The following MTHFD1L variants were observed in gnomAD, a reference collection of about 807,000 sequenced individuals.
MTHFD1L encodes monofunctional C1-tetrahydrofolate synthase, mitochondrial.
MTHFD1L carries 81 observed loss-of-function variants against 119.5 expected under a neutral mutation model. The observed-to-expected ratio is 0.68, with a 90% CI of 0.57 to 0.82. The LOEUF is 0.82. MTHFD1L is among the 40% of genes least tolerant of loss of function. MTHFD1L has a pLI of 0.00. For missense variants in MTHFD1L, 1,125 were observed against 1,253.4 expected, an observed-to-expected ratio of 0.90 and a Z score of 1.55; for synonymous variants, 430 against 475.2, an observed-to-expected ratio of 0.90 and a Z score of 1.24.
At chr6:151,056,955 A>G (rs1046128763) in intron 26 of MTHFD1L, among the ~76,000 whole-genome samples, 3 of 152,000 alleles carry the variant, frequency 2.0e-5, no homozygotes, top group Admixed American at 2.0e-4. Flanking sequence ...GGGGTTCTTT[A>G]GTTTGTTTGT....
chr6:150,995,023 T>C (rs893025796), intron 20 of MTHFD1L, among the ~76,000 whole-genome samples: 14 of 152,214 alleles, frequency 9.2e-5, no homozygotes, highest in Admixed American at 2.6e-4. Flanking sequence ...CGTATTTTCC[T>C]GTATAATACA....
rs552862412 is a variant in MTHFD1L at position 151,016,833 on chromosome 6, C to T, written c.2586+1140C>T. The T allele has an allele frequency of 4.9e-3, 842 of 171,874 alleles. 7 individuals carry two copies. Among genetic ancestry groups the T allele is most frequent in the Middle Eastern group, 0.029 (7 of 240 alleles). 10.6% of individuals were successfully genotyped at this position (171,874 alleles called of 1,614,324 possible). On this transcript the variant is annotated intron_variant, in intron 24 of 27. Coordinates refer to ENST00000367321, the MANE Select transcript of MTHFD1L (RefSeq NM_015440.5). ...TGTTGCCCAGGCTGGAGTGCAATGGCGTGATCTCGGCTCACTGCAACCTCC... is the reference window on the plus strand; with the variant it reads ...TGTTGCCCAGGCTGGAGTGCAATGGTGTGATCTCGGCTCACTGCAACCTCC...
intron 8 of MTHFD1L, among the ~76,000 whole-genome samples, chr6:150,908,525 G>T (rs1164343572): frequency 6.6e-6 from 1 of 151,770 alleles, no homozygotes; most frequent in Admixed American, 6.6e-5. Flanking sequence ...TACTCGGGAA[G>T]CTGAGGCAGG....
At chr6:150,874,467 C>T (rs1780063338) in intron 1 of MTHFD1L, among the ~76,000 whole-genome samples, 1 of 152,210 alleles carries the variant, frequency 6.6e-6, no homozygotes, top group African/African-American at 2.4e-5. Context: ...GGGAAAGCTT[C>T]CCGATGCCTT....
chr6:151,034,010 T>C (rs1323347062), intron 24 of MTHFD1L, among the ~76,000 whole-genome samples: 1 of 151,876 alleles, frequency 6.6e-6, no homozygotes, highest in Non-Finnish European at 1.5e-5. Context: ...ACCCAGTCTC[T>C]ACAAAAAATG....
At chr6:151,089,528 G>A (rs1417477251) in intron 26 of MTHFD1L, among the ~76,000 whole-genome samples, 2 of 152,178 alleles carry the variant, frequency 1.3e-5, no homozygotes, top group Admixed American at 6.5e-5. Context: ...GCTTGAACCC[G>A]GGAGGTGGAG....
At chr6:151,056,291 G>A (rs1789910690) in intron 26 of MTHFD1L, among the ~76,000 whole-genome samples, 1 of 152,134 alleles carries the variant, frequency 6.6e-6, no homozygotes, top group South Asian at 2.1e-4. Context: ...GACTTGATTT[G>A]GGTACACAGT....
chr6:151,100,226 C>T (rs1157811139), intron 27 of MTHFD1L, among the ~76,000 whole-genome samples: 8 of 151,982 alleles, frequency 5.3e-5, no homozygotes, highest in African/African-American at 1.7e-4. Flanking sequence ...TTAATAGACA[C>T]GGGGTTTCAC....
At chr6:150,949,289 G>T (rs757362359) in intron 16 of MTHFD1L, among the ~76,000 whole-genome samples, 156 bp downstream of exon 16, 1 of 151,840 alleles carries the variant, frequency 6.6e-6, no homozygotes, top group African/African-American at 2.4e-5. Context: ...TACTATTATC[G>T]TACCACCCTC....
rs183307500 is a variant in MTHFD1L at position 150,949,192 on chromosome 6, G to A, written c.1726+59G>A. The A allele has an allele frequency of 1.7e-3, 2,412 of 1,392,228 alleles. 15 individuals carry two copies. Among genetic ancestry groups the A allele is most frequent in the South Asian group, 7.2e-3 (613 of 84,936 alleles). 86.2% of individuals were successfully genotyped at this position (1,392,228 alleles called of 1,614,324 possible). A position where few individuals can be genotyped will look rare whatever the true frequency, so the allele number is the denominator to read the frequency against. On this transcript the variant is annotated intron_variant, in intron 16 of 27. Coordinates refer to ENST00000367321, the MANE Select transcript of MTHFD1L (RefSeq NM_015440.5). ...CCAGGTGGGGAGGCGTGTTCGAGCCGAAGCGCTTAAATTCAGAAACTTACA... is the reference window on the plus strand; with the variant it reads ...CCAGGTGGGGAGGCGTGTTCGAGCCAAAGCGCTTAAATTCAGAAACTTACA...
At chr6:150,965,110 A>C in intron 19 of MTHFD1L, 73 bp downstream of exon 19, 2 of 1,366,436 alleles carry the variant, frequency 1.5e-6, no homozygotes, top group Non-Finnish European at 2.1e-6. Context: ...TTTTTAGCCA[A>C]TATGAGGCAG....
intron 27 of MTHFD1L, among the ~76,000 whole-genome samples, chr6:151,094,437 A>G (rs1284553944): frequency 6.6e-6 from 1 of 152,188 alleles, no homozygotes; most frequent in Admixed American, 6.5e-5. Flanking sequence ...ATCTCTGCTC[A>G]CTGCAACCTC....
intron 11 of MTHFD1L, among the ~76,000 whole-genome samples, chr6:150,935,877 T>C (rs1309616056): frequency 1.3e-5 from 2 of 151,764 alleles, no homozygotes. Context: ...AATAAAACTT[T>C]AAAGAGTGGA....
intron 20 of MTHFD1L, among the ~76,000 whole-genome samples, chr6:150,973,447 C>T (rs1193546663): frequency 4.6e-5 from 7 of 152,088 alleles, no homozygotes; most frequent in South Asian, 4.2e-4. Flanking sequence ...CTCAATTGAT[C>T]GCTGCCTAAT....
chr6:150,967,686 C>T (rs1423831448), intron 19 of MTHFD1L, among the ~76,000 whole-genome samples: 2 of 152,188 alleles, frequency 1.3e-5, no homozygotes, highest in Non-Finnish European at 2.9e-5. Context: ...GTGTCCATCC[C>T]TGCAGAGTTG....
intron 7 of MTHFD1L, among the ~76,000 whole-genome samples, chr6:150,901,241 G>A (rs1474857883): frequency 6.6e-6 from 1 of 151,978 alleles, no homozygotes; most frequent in Non-Finnish European, 1.5e-5. Flanking sequence ...GGCCCAGGCG[G>A]GCAGATCACT....
intron 20 of MTHFD1L, among the ~76,000 whole-genome samples, chr6:150,981,622 C>T (rs1470158439): frequency 6.6e-6 from 1 of 152,106 alleles, no homozygotes; most frequent in African/African-American, 2.4e-5. Context: ...GAGTCTCTGT[C>T]CCAAGTACTC....
At chr6:151,091,091 A>G (rs1389264208) in intron 26 of MTHFD1L, among the ~76,000 whole-genome samples, 1 of 144,992 alleles carries the variant, frequency 6.9e-6, no homozygotes, top group Non-Finnish European at 1.5e-5. Flanking sequence ...TGGGTGCAGC[A>G]TCGTTCCATG....
intron 7 of MTHFD1L, among the ~76,000 whole-genome samples, chr6:150,903,480 G>A (rs141831298): frequency 2.4e-4 from 37 of 152,124 alleles, no homozygotes; most frequent in East Asian, 1.9e-3. Context: ...GAAGTGGCTC[G>A]ATCACAGCTC....
Sources: allele counts gnomAD v4.1 joint callset (sites outside exome capture counted in the v4.1 genomes callset), GRCh38; gene constraint gnomAD v4.1.1; transcripts MANE v1.5; gene names NCBI Gene and HGNC (gene_info 2026-07-23, HGNC 2026-07-21).